Variants in HS2ST1 observed in about 807,000 individuals in gnomAD.
HS2ST1 encodes 2-O-sulfotransferase.
A neutral mutation model predicts 42.9 loss-of-function variants in HS2ST1; 18 were observed. That is an observed-to-expected ratio of 0.42 (90% CI 0.29 to 0.62). HS2ST1 has a LOEUF of 0.62. HS2ST1 is among the 20% of genes least tolerant of loss of function. The probability of loss-of-function intolerance (pLI) is 0.21; values close to 1 mark genes in which losing one functional copy is unlikely to be tolerated. For synonymous variants in HS2ST1, 146 were observed against 152.9 expected (o/e 0.95, Z 0.33); for missense variants, 334 against 433.8 (o/e 0.77, Z 2.04).
intron 1 of HS2ST1, among the ~76,000 whole-genome samples, chr1:87,016,989 T>C (rs1649777792): frequency 6.6e-6 from 1 of 152,108 alleles, no homozygotes; most frequent in Non-Finnish European, 1.5e-5. Context: ...GCTTGAAAAT[T>C]CCAAGCTAAT....
chr1:86,916,852 T>G (rs1320742854), intron 1 of HS2ST1, among the ~76,000 whole-genome samples: 4 of 152,224 alleles, frequency 2.6e-5, no homozygotes, highest in Non-Finnish European at 4.4e-5. Context: ...TGTCTGGAGT[T>G]GATTTCTTAG....
intron 1 of HS2ST1, among the ~76,000 whole-genome samples, chr1:86,987,041 C>T (rs1221099329): frequency 6.6e-6 from 1 of 150,780 alleles, no homozygotes; most frequent in Non-Finnish European, 1.5e-5. Context: ...ACACGCTTTC[C>T]ACCACTATTA....
chr1:87,041,972 A>G (rs1199837038), intron 1 of HS2ST1, among the ~76,000 whole-genome samples: 1 of 152,148 alleles, frequency 6.6e-6, no homozygotes, highest in African/African-American at 2.4e-5. Flanking sequence ...GAACTACCAT[A>G]TCCCAGAAGT....
intron 1 of HS2ST1, among the ~76,000 whole-genome samples, chr1:86,933,660 G>A (rs4656127): frequency 0.11 from 16,994 of 150,998 alleles, 1,021 homozygotes; most frequent in Non-Finnish European, 0.13. Context: ...TTTGATGCCC[G>A]CGTTGTCTTT....
At chr1:87,071,526 C>A (rs370437867) in intron 1 of HS2ST1, among the ~76,000 whole-genome samples, 1 of 152,096 alleles carries the variant, frequency 6.6e-6, no homozygotes, top group South Asian at 2.1e-4. Flanking sequence ...GTCAGGAGTT[C>A]AAGACCAGCC....
At chr1:86,991,735 A>C (rs1270984412) in intron 1 of HS2ST1, among the ~76,000 whole-genome samples, 1 of 152,162 alleles carries the variant, frequency 6.6e-6, no homozygotes, top group African/African-American at 2.4e-5. Flanking sequence ...CAAAATGGAG[A>C]TAAGACTTGT....
intron 1 of HS2ST1, among the ~76,000 whole-genome samples, chr1:86,977,239 ATTTG>A (rs144750071): frequency 0.024 from 3,589 of 152,168 alleles, 73 homozygotes; most frequent in African/African-American, 0.049. Context: ...TAATTTTTTT[ATTTG>A]TTTATGTCAT....
intron 1 of HS2ST1, among the ~76,000 whole-genome samples, chr1:87,026,755 A>G (rs902759757): frequency 2.6e-5 from 4 of 152,114 alleles, no homozygotes; most frequent in African/African-American, 4.8e-5. Context: ...ATGAATGGCA[A>G]CATAAAACTA....
rs72953464 is a variant in HS2ST1, at chr1:86,994,883, G to T, written c.125-78051G>T. Among the ~76,000 whole-genome samples the T allele has an allele frequency of 1.8e-3, 273 of 152,028 alleles. 1 individual carries two copies. The highest frequency in any genetic ancestry group is 5.9e-3 in the African/African-American group (246 of 41,500). On this transcript the variant is annotated intron_variant, in intron 1 of 6. Transcript: ENST00000370550. ...TTTTCTGGAAATCTGTTAACTAAGGGTACTTAGAGTAGGAATGTGAATATT... is the reference window on the plus strand; with the variant it reads ...TTTTCTGGAAATCTGTTAACTAAGGTTACTTAGAGTAGGAATGTGAATATT...
At chr1:87,100,012 G>A (rs7540789) in intron 5 of HS2ST1, among the ~76,000 whole-genome samples, 1,847 of 152,318 alleles carry the variant, frequency 0.012, 46 homozygotes, top group African/African-American at 0.042. Flanking sequence ...GCAGGGTACA[G>A]CCCACATGGC....
At chr1:87,102,266 C>T (rs1233088712) in intron 5 of HS2ST1, among the ~76,000 whole-genome samples, 7 of 152,084 alleles carry the variant, frequency 4.6e-5, no homozygotes, top group African/African-American at 9.7e-5. Flanking sequence ...CCATGTTGGT[C>T]GGGCTGGTCT....
At chr1:87,051,739 G>T (rs1356783933) in intron 1 of HS2ST1, among the ~76,000 whole-genome samples, 3 of 152,148 alleles carry the variant, frequency 2.0e-5, no homozygotes, top group Admixed American at 6.5e-5. Flanking sequence ...GCATGTTGAA[G>T]TGTCACTAGT....
chr1:87,101,200 C>G (rs544152354), intron 5 of HS2ST1, among the ~76,000 whole-genome samples: 3 of 108,358 alleles, frequency 2.8e-5, no homozygotes, highest in African/African-American at 3.5e-5. Context: ...CAGTCTCACT[C>G]TGTCAGCCAG....
In HS2ST1 at chr1:87,072,933, G is replaced by A. The variant is rs1420012937; in HGVS notation, c.125-1G>A. On this transcript the variant is annotated splice_acceptor_variant, in intron 1 of 6. Transcript: ENST00000370550. LOFTEE classifies it high-confidence loss of function. ...TAGTTCGTATCTGTTTTTCTTTCCA[G>A]AAAGGGCTATTGCAAGACACGAAGT... The A allele has an allele frequency of 6.2e-7, 1 of 1,611,252 alleles. No individual in the cohort carries two copies. Among genetic ancestry groups the A allele is most frequent in the Non-Finnish European group, 8.5e-7 (1 of 1,177,756 alleles).
chr1:86,927,892 A>G (rs372120227), intron 1 of HS2ST1, among the ~76,000 whole-genome samples: 4 of 152,228 alleles, frequency 2.6e-5, no homozygotes, highest in East Asian at 3.9e-4. Flanking sequence ...GGCTAATCAA[A>G]CTAGTTTTAT....
chr1:86,995,337 G>C (rs1649068541), intron 1 of HS2ST1, among the ~76,000 whole-genome samples: 1 of 152,154 alleles, frequency 6.6e-6, no homozygotes, highest in Admixed American at 6.5e-5. Context: ...TGGTGTTTAA[G>C]AGCTCTGATG....
intron 1 of HS2ST1, among the ~76,000 whole-genome samples, chr1:86,939,911 G>A (rs1251658238): frequency 6.6e-6 from 1 of 151,722 alleles, no homozygotes. Flanking sequence ...AAGTAACAAA[G>A]CAGGTAGAGA....
chr1:87,078,027 T>A (rs1214299796), intron 2 of HS2ST1, among the ~76,000 whole-genome samples: 2 of 152,222 alleles, frequency 1.3e-5, no homozygotes, highest in East Asian at 3.8e-4. Context: ...CCTGGCTTAG[T>A]CTCATAAAAG....
intron 1 of HS2ST1, among the ~76,000 whole-genome samples, chr1:87,010,756 CTGTTT>C (rs56184842): frequency 0.079 from 11,802 of 149,540 alleles, 974 homozygotes; most frequent in African/African-American, 0.2. Context: ...ATAGATTTTA[CTGTTT>C]TGTTTTGTTT....
Sources: gnomAD v4.1 joint callset for allele counts (sites outside exome capture counted in the v4.1 genomes callset) on GRCh38, gnomAD v4.1.1 for gene constraint, MANE v1.5 for transcripts, NCBI Gene and HGNC (gene_info 2026-07-23, HGNC 2026-07-21) for gene names.